Variants in SIGLEC6 observed in about 807,000 individuals in gnomAD.
SIGLEC6 encodes the protein sialic acid binding Ig like lectin 6.
SIGLEC6 carries 31 observed loss-of-function variants against 41.4 expected under a neutral mutation model. The observed-to-expected ratio is 0.75, with a 90% CI of 0.56 to 1.01. The LOEUF is 1.01. Ranked by LOEUF, SIGLEC6 falls within the 50% of genes least tolerant of loss-of-function variation. The probability of loss-of-function intolerance (pLI) is 0.00; values close to 1 mark genes in which losing one functional copy is unlikely to be tolerated. For synonymous variants in SIGLEC6, 217 were observed against 231.0 expected, an observed-to-expected ratio of 0.94 and a Z score of 0.55; for missense variants, 555 against 558.6, an observed-to-expected ratio of 0.99 and a Z score of 0.06.
Position 51,531,575 on chromosome 19 carries a change from C to T in SIGLEC6, c.67+7G>A. The stretch of plus-strand genomic sequence containing the variant: ...GCCCCACGGCACCTCTCCCCTGGCC[C>T]ACTCACCTGCCCACAGCAGGGGCAG... On this transcript the variant is annotated splice_region_variant and intron_variant, in intron 1 of 7. Transcript: ENST00000425629. 6.2e-7 allele frequency: 1 copy of T among 1,613,924 alleles called. No individual in the cohort carries two copies. Among genetic ancestry groups the T allele is most frequent in the South Asian group, 1.1e-5 (1 of 91,054 alleles).
intron 7 of SIGLEC6, among the ~76,000 whole-genome samples, chr19:51,521,203 G>A (rs1990909659): frequency 6.6e-6 from 1 of 152,146 alleles, no homozygotes; most frequent in Admixed American, 6.5e-5. Context: ...GTAAAGCATG[G>A]TAAAGAAATT....
In SIGLEC6 at chr19:51,520,222, A is replaced by AAAC. The variant is rs1990808226; in HGVS notation, c.1219_1221dup (p.Val407dup). 1 of 1,601,560 alleles carries AAAC rather than the reference A, an allele frequency of 6.2e-7. No homozygotes were observed. The highest frequency in any genetic ancestry group is 1.3e-5 in the African/African-American group (1 of 74,812). The stretch of plus-strand genomic sequence containing the variant: ...GGGCCAGCCTCAGCAGGGTGGTCTG[A>AAAC]AACTATGCCTGTCTGGAACTGGTGC... On this transcript the variant is annotated inframe_insertion, in exon 8 of 8. Transcript: ENST00000425629.
chr19:51,529,957 G>C lies in SIGLEC6; in HGVS notation c.779C>G (p.Ser260Trp), dbSNP rs369144124. 2 of 1,601,210 alleles carry C rather than the reference G, an allele frequency of 1.2e-6. No individual in the cohort carries two copies. Among genetic ancestry groups the C allele is most frequent in the Admixed American group, 3.4e-5 (2 of 58,560 alleles). Residue 260 changes from serine (S) to tryptophan (W), a missense_variant, in exon 5 of 8, where the codon TCG (serine) becomes TGG (tryptophan). Ser to Trp is a radical substitution (Grantham distance 177). Coordinates refer to ENST00000425629, the MANE Select transcript of SIGLEC6 (RefSeq NM_001245.7). Reference sequence around the variant, plus strand: ...CTGGCCCTCCAGGACAGGGAGGGACGAGGTGTTTTGCAGGATTTTGAAGGC... The same window carrying C: ...CTGGCCCTCCAGGACAGGGAGGGACCAGGTGTTTTGCAGGATTTTGAAGGC... The part of the protein sequence containing the change: ...SAAFKILQNT[S>W]SLPVLEGQAL...
intron 7 of SIGLEC6, among the ~76,000 whole-genome samples, chr19:51,524,544 A>G (rs752475044): frequency 1.8e-4 from 27 of 152,236 alleles, no homozygotes; most frequent in Non-Finnish European, 3.5e-4. Flanking sequence ...ACTAGTGTAA[A>G]ATAACTTGAC....
intron 7 of SIGLEC6, among the ~76,000 whole-genome samples, chr19:51,521,687 C>A (rs1262130300): frequency 6.6e-6 from 1 of 152,118 alleles, no homozygotes; most frequent in Non-Finnish European, 1.5e-5. Context: ...CTAGGTATTA[C>A]CTCCCCCAGC....
intron 5 of SIGLEC6, among the ~76,000 whole-genome samples, chr19:51,529,062 C>A (rs1014003315): frequency 4.7e-5 from 7 of 149,120 alleles, no homozygotes; most frequent in African/African-American, 1.7e-4. Context: ...CAGACACCAC[C>A]ATGTGAAGAT....
At chr19:51,530,347 G>A in intron 4 of SIGLEC6, 90 bp downstream of exon 4, 1 of 1,161,362 alleles carries the variant, frequency 8.6e-7, no homozygotes, top group South Asian at 1.4e-5. Context: ...GTCTATGGAG[G>A]CCTTAGTCCT....
rs545960270 is a variant in SIGLEC6 at position 51,530,935 on chromosome 19, G to C, written c.452C>G (p.Ser151Cys). 3.5e-5 allele frequency: 56 copies of C among 1,612,562 alleles called. No individual in the cohort carries two copies. The South Asian group carries it at 5.5e-4, about 16-fold the overall frequency. Residue 151 changes from serine (S) to cysteine (C), a missense_variant, in exon 3 of 8, where the codon TCC becomes TGC. Physicochemically the swap from Ser to Cys is moderately radical, Grantham distance 112. Transcript: ENST00000425629. ...VMALTHRPNI[S>C]IPGTLESGHP... ...GCCAGACTCCAGGGTCCCTGGGATG[G>C]AGATGTTGGGCCTGTGGGTCAGGGC...
intron 7 of SIGLEC6, among the ~76,000 whole-genome samples, chr19:51,527,170 A>T (rs1035396896): frequency 6.6e-6 from 1 of 152,332 alleles, no homozygotes; most frequent in South Asian, 2.1e-4. Context: ...AGAGGTCAGC[A>T]TGCAGATTCA....
chr19:51,527,586 A>G (rs573677571), intron 7 of SIGLEC6, among the ~76,000 whole-genome samples, 161 bp downstream of exon 7: 1 of 152,348 alleles, frequency 6.6e-6, no homozygotes, highest in East Asian at 1.9e-4. Flanking sequence ...AATTATTGAA[A>G]TCAATACTTT....
intron 6 of SIGLEC6, 63 bp from the exon 7 acceptor site, chr19:51,527,891 C>T: frequency 6.6e-7 from 1 of 1,504,834 alleles, no homozygotes; most frequent in African/African-American, 1.4e-5. Flanking sequence ...CAAAAGAAAA[C>T]CATCTCCCCA....
At position 51,520,006 on chromosome 19, in the gene SIGLEC6, T is replaced by G; in HGVS notation, c.*76A>C. ...TGTCACTCGGTTTGTGGTACATTGC[T>G]GTGGCAGCCCTAGTAACCAATACAC... On this transcript the variant is annotated 3_prime_UTR_variant, in exon 8 of 8. Transcript: ENST00000425629. The G allele has an allele frequency of 7.9e-7, 1 of 1,262,334 alleles. No homozygotes were observed. Among genetic ancestry groups the G allele is most frequent in the Non-Finnish European group, 1.1e-6 (1 of 925,220 alleles). 78.2% of individuals were successfully genotyped at this position (1,262,334 alleles called of 1,614,324 possible). A position where few individuals can be genotyped will look rare whatever the true frequency, so the allele number is the denominator to read the frequency against.
At chr19:51,525,969 C>T (rs1166181518) in intron 7 of SIGLEC6, among the ~76,000 whole-genome samples, 2 of 152,130 alleles carry the variant, frequency 1.3e-5, no homozygotes, top group Non-Finnish European at 2.9e-5. Context: ...GCCACAGCTG[C>T]ACTACAGAGA....
Position 51,520,064 on chromosome 19 carries a change from A to G in SIGLEC6, c.*18T>C, listed in dbSNP as rs1990789118. 10 of 1,525,418 alleles carry G rather than the reference A, an allele frequency of 6.6e-6. No individual in the cohort carries two copies. The highest frequency in any genetic ancestry group is 2.3e-5 in the East Asian group (1 of 43,178). 94.5% of individuals were successfully genotyped at this position (1,525,418 alleles called of 1,614,324 possible). A position where few individuals can be genotyped will look rare whatever the true frequency, so the allele number is the denominator to read the frequency against. On this transcript the variant is annotated 3_prime_UTR_variant, in exon 8 of 8. Coordinates refer to ENST00000425629, the MANE Select transcript of SIGLEC6 (RefSeq NM_001245.7). ...TACCATGTTCTCTCCAATCAAGGTT[A>G]TGGCTTTGGACAATTCCTCACTTGT...
rs1439953098 is a variant in SIGLEC6 at position 51,529,898 on chromosome 19, G to T, written c.838C>A (p.Pro280Thr). The change falls in exon 5 of 8, where the codon CCC (proline) becomes ACC (threonine). Residue 280 changes from proline to threonine, a missense_variant. Transcript: ENST00000425629. Reference protein sequence around the residue: ...LRLLCDADGNPPAHLSWFQGF... With the variant: ...LRLLCDADGNTPAHLSWFQGF... ...TGGAACCAGCTCAGGTGTGCAGGGG[G>T]GTTGCCGTCAGCATCACAGAGCAGC... is the stretch of plus-strand genomic sequence containing the variant. 3 of 1,614,026 alleles carry T rather than the reference G, an allele frequency of 1.9e-6. No homozygotes were observed. Among genetic ancestry groups the T allele is most frequent in the Non-Finnish European group, 1.7e-6 (2 of 1,179,926 alleles).
Position 51,531,636 on chromosome 19 carries a change from G to T in SIGLEC6, c.13C>A (p.Gln5Lys). 6.2e-7 allele frequency: 1 copy of T among 1,607,304 alleles called. No individual in the cohort carries two copies. Residue 5 changes from glutamine (Q) to lysine (K), a missense_variant, in exon 1 of 8, where the codon CAG (glutamine) becomes AAG (lysine). Transcript: ENST00000425629. The stretch of plus-strand genomic sequence containing the variant: ...AGCATCTCTGAGGCGGAGGCTTCCT[G>T]GGCTCCCTGCATGAGCAGAGAAGGG... MQGAQEASASEMLPL... is the reference protein window; with the variant it reads MQGAKEASASEMLPL...
chr19:51,524,220 A>G (rs1389043425), intron 7 of SIGLEC6, among the ~76,000 whole-genome samples: 1 of 152,258 alleles, frequency 6.6e-6, no homozygotes, highest in Non-Finnish European at 1.5e-5. Context: ...AATAGGTAGA[A>G]TAAATGTGAT....
chr19:51,521,871 T>A (rs1978339565), intron 7 of SIGLEC6, among the ~76,000 whole-genome samples: 1 of 152,212 alleles, frequency 6.6e-6, no homozygotes, highest in Non-Finnish European at 1.5e-5. Context: ...GACTGTGACA[T>A]CTGAAAGAAA....
intron 5 of SIGLEC6, chr19:51,529,415 G>C: frequency 2.4e-6 from 1 of 410,730 alleles, no homozygotes; most frequent in Non-Finnish European, 4.5e-6. Context: ...CCTCAAAGCT[G>C]AGCCTGAGAC....
Sources: gnomAD v4.1 joint callset for allele counts (sites outside exome capture counted in the v4.1 genomes callset) on GRCh38, gnomAD v4.1.1 for gene constraint, MANE v1.5 for transcripts, NCBI Gene and HGNC (gene_info 2026-07-23, HGNC 2026-07-21) for gene names.